The following LHX8 variants were observed in gnomAD, a reference collection of about 807,000 sequenced individuals.
LHX8 encodes the protein LIM homeobox 8, also known as LIM/homeobox protein Lhx8.
A neutral mutation model predicts 40.3 loss-of-function variants in LHX8; 12 were observed. The ratio of observed to expected loss-of-function variants is 0.30; its 90% CI spans 0.19 to 0.48. The LOEUF (loss-of-function observed/expected upper bound fraction) is 0.48, where lower values mean the gene tolerates loss of function less well. LHX8 is among the 20% of genes least tolerant of loss of function. The probability of loss-of-function intolerance (pLI) is 0.99; values close to 1 mark genes in which losing one functional copy is unlikely to be tolerated. For synonymous variants in LHX8, 179 were observed against 162.0 expected (o/e 1.10, Z -0.80); for missense variants, 344 against 433.7 (o/e 0.79, Z 1.84).
In LHX8 at chr1:75,137,176, C is replaced by T; in HGVS notation, c.152C>T (p.Ser51Phe). ...APLSPSSSPR[S>F]MASGSGCPPG... ...CTGTCCCCGTCGTCCTCGCCCCGGT[C>T]CATGGCCTCGGGCTCCGGCTGCCCT... Residue 51 changes from serine to phenylalanine, a missense_variant, in exon 3 of 9, where the codon TCC (serine) becomes TTC (phenylalanine). By Grantham distance (155) the Ser-to-Phe change is radical. Transcript: ENST00000356261. 3 of 1,613,524 alleles carry T rather than the reference C, an allele frequency of 1.9e-6. No homozygotes were observed. The highest frequency in any genetic ancestry group is 2.5e-6 in the Non-Finnish European group (3 of 1,179,960).
chr1:75,149,510 TTTTG>T (rs1183673972), intron 7 of LHX8, among the ~76,000 whole-genome samples: 3 of 152,112 alleles, frequency 2.0e-5, no homozygotes, highest in East Asian at 1.9e-4. Context: ...GTTGTTTGTT[TTTTG>T]TTTGTTTGTT....
intron 7 of LHX8, among the ~76,000 whole-genome samples, chr1:75,153,850 A>C (rs2100356137): frequency 6.6e-6 from 1 of 152,120 alleles, no homozygotes; most frequent in African/African-American, 2.4e-5. Flanking sequence ...GGTTTTATCT[A>C]TTTTTTTCTC....
downstream of LHX8, among the ~76,000 whole-genome samples, chr1:75,161,839 AAG>A (rs901304994): frequency 4.6e-5 from 7 of 152,094 alleles, no homozygotes; most frequent in Non-Finnish European, 8.8e-5. Context: ...GGAGTGAAAA[AAG>A]AGAACTAAAA....
chr1:75,180,757 G>C, the LHX8 span, among the ~76,000 whole-genome samples: 3 of 152,158 alleles, frequency 2.0e-5, no homozygotes, highest in Non-Finnish European at 4.4e-5. Flanking sequence ...CAATCCTTTG[G>C]AGTAGAAGGG....
At chr1:75,130,645 A>G (rs41289232), upstream of LHX8, 265 of 1,374,712 alleles carry the variant, frequency 1.9e-4, no homozygotes, top group Non-Finnish European at 2.7e-4. Context: ...GTAGCAAGGT[A>G]TAAAACGGAG....
chr1:75,160,689 A>G, intron 8 of LHX8, 130 bp from the exon 9 acceptor site: 1 of 731,758 alleles, frequency 1.4e-6, no homozygotes, highest in South Asian at 1.4e-5. Context: ...AGGTCAGTGG[A>G]ATGAGTGTAG....
At chr1:75,198,658 T>C in the LHX8 span, among the ~76,000 whole-genome samples, 1 of 152,220 alleles carries the variant, frequency 6.6e-6, no homozygotes. Context: ...CCTTTCCTTA[T>C]GCCCTAGCAT....
At chr1:75,188,355 T>C in the LHX8 span, among the ~76,000 whole-genome samples, 1 of 152,208 alleles carries the variant, frequency 6.6e-6, no homozygotes, top group Non-Finnish European at 1.5e-5. Flanking sequence ...AAACAAATTT[T>C]ACTTATGTTC....
the LHX8 span, among the ~76,000 whole-genome samples, chr1:75,180,308 C>T: frequency 6.6e-6 from 1 of 152,204 alleles, no homozygotes; most frequent in African/African-American, 2.4e-5. Context: ...TCCATTCTCC[C>T]CGTCACTTTC....
intron 7 of LHX8, among the ~76,000 whole-genome samples, chr1:75,151,469 G>A (rs1648609989): frequency 6.6e-6 from 1 of 152,212 alleles, no homozygotes; most frequent in Non-Finnish European, 1.5e-5. Flanking sequence ...CTGGAGATAA[G>A]GCCAGGAGAT....
the LHX8 span, among the ~76,000 whole-genome samples, chr1:75,191,916 T>G: frequency 6.6e-6 from 1 of 152,184 alleles, no homozygotes; most frequent in African/African-American, 2.4e-5. Flanking sequence ...ACAGTTAGAA[T>G]TGATTCTTGC....
chr1:75,143,123 A>G lies in LHX8; in HGVS notation c.365A>G (p.Tyr122Cys), dbSNP rs767774054. ...CACACCTCTATTTAATGTAGAAGGT[A>G]TGGAACTCGCTGCTCTCGATGTGGG... ...IFCKLDYFRR[Y>C]GTRCSRCGRH... The change falls in exon 5 of 9, where the codon TAT becomes TGT. Residue 122 changes from tyrosine to cysteine, a missense_variant. This residue lies in a region of LHX8 where 147 missense variants were observed against 250.8 expected (regional missense o/e 0.59). Coordinates refer to ENST00000356261, the MANE Select transcript of LHX8 (RefSeq NM_001256114.2). 6.2e-7 allele frequency: 1 copy of G among 1,612,702 alleles called. No individual in the cohort carries two copies. Among genetic ancestry groups the G allele is most frequent in the Non-Finnish European group, 8.5e-7 (1 of 1,178,858 alleles).
upstream of LHX8, chr1:75,130,477 G>A: frequency 1.7e-6 from 1 of 583,762 alleles, no homozygotes; most frequent in South Asian, 2.2e-5. Context: ...GGTGTCCCGC[G>A]TGGAGCAGGC....
At chr1:75,144,565 T>A (rs1648410530) in intron 6 of LHX8, among the ~76,000 whole-genome samples, 1 of 152,130 alleles carries the variant, frequency 6.6e-6, no homozygotes, top group African/African-American at 2.4e-5. Context: ...GGGAGGGATT[T>A]TTTTTAGCTT....
At chr1:75,148,427 T>C (rs940033428) in intron 6 of LHX8, among the ~76,000 whole-genome samples, 160 bp from the exon 7 acceptor site, 1 of 152,214 alleles carries the variant, frequency 6.6e-6, no homozygotes, top group East Asian at 1.9e-4. Flanking sequence ...TTACAAAATA[T>C]GCATTCGTTT....
chr1:75,130,748 G>GCACA, upstream of LHX8: 1 of 1,613,320 alleles, frequency 6.2e-7, no homozygotes, highest in Non-Finnish European at 8.5e-7. Context: ...TTTGTGGAAA[G>GCACA]AACCTCTAGA....
chr1:75,153,755 G>A (rs1648680268), intron 7 of LHX8, among the ~76,000 whole-genome samples: 1 of 152,138 alleles, frequency 6.6e-6, no homozygotes, highest in South Asian at 2.1e-4. Flanking sequence ...GTATTTCAAT[G>A]TTGCCTTTTG....
At chr1:75,141,404 A>G (rs1276736978) in intron 4 of LHX8, among the ~76,000 whole-genome samples, 1 of 152,152 alleles carries the variant, frequency 6.6e-6, no homozygotes, top group Admixed American at 6.5e-5. Context: ...GGTATAAAGT[A>G]TGAAAAACAA....
chr1:75,149,070 C>T lies in LHX8; in HGVS notation c.780+388C>T, dbSNP rs560399297. On this transcript the variant is annotated intron_variant, in intron 7 of 8. Coordinates refer to ENST00000356261, the MANE Select transcript of LHX8 (RefSeq NM_001256114.2). ...TTTGCTCATGTTACTTCATTCAGTACTCACAGCAACCCTAAGATCCTCAGG... is the reference window on the plus strand; with the variant it reads ...TTTGCTCATGTTACTTCATTCAGTATTCACAGCAACCCTAAGATCCTCAGG... Among the ~76,000 whole-genome samples the T allele has an allele frequency of 2.0e-5, 3 of 152,304 alleles. No individual in the cohort carries two copies. In the South Asian group the frequency reaches 6.2e-4, roughly 32 times the overall value.
Sources: allele counts gnomAD v4.1 joint callset (sites outside exome capture counted in the v4.1 genomes callset), GRCh38; gene constraint gnomAD v4.1.1; regional missense constraint gnomAD v4.1.1; transcripts MANE v1.5; gene names NCBI Gene and HGNC (gene_info 2026-07-23, HGNC 2026-07-21).